Variants in SAE1 observed in about 807,000 individuals in gnomAD.
The protein encoded by SAE1 is SUMO1 activating enzyme subunit 1.
Under a neutral mutation model 40.6 loss-of-function variants are expected in SAE1, and 11 were observed. The observed-to-expected ratio is 0.27, with a 90% CI of 0.17 to 0.45. The LOEUF (loss-of-function observed/expected upper bound fraction) is 0.45, where lower values mean the gene tolerates loss of function less well. SAE1 is among the 20% of genes least tolerant of loss of function. The pLI is 1.00. For synonymous variants in SAE1, 155 were observed against 154.3 expected, an observed-to-expected ratio of 1.00 and a Z score of -0.03; for missense variants, 373 against 427.3, an observed-to-expected ratio of 0.87 and a Z score of 1.12.
chr19:47,207,016 C>G (rs563554455), intron 8 of SAE1, among the ~76,000 whole-genome samples: 2 of 152,270 alleles, frequency 1.3e-5, no homozygotes, highest in South Asian at 2.1e-4. Flanking sequence ...GTTCCCTTGA[C>G]TGGGTGCAGT....
intron 6 of SAE1, 38 bp from the exon 7 acceptor site, chr19:47,197,195 A>AT: frequency 1.9e-6 from 3 of 1,562,964 alleles, no homozygotes; most frequent in South Asian, 1.2e-5. Context: ...AAAAAAAAAA[A>AT]GTGGCTTTAT....
intron 6 of SAE1, among the ~76,000 whole-genome samples, chr19:47,182,176 CGTT>C (rs2058510730): frequency 6.6e-6 from 1 of 152,066 alleles, no homozygotes; most frequent in Non-Finnish European, 1.5e-5. Context: ...TTTTAAATGA[CGTT>C]GTCTTTGGAT....
chr19:47,196,070 G>C (rs1406278383), intron 6 of SAE1, among the ~76,000 whole-genome samples: 1 of 148,232 alleles, frequency 6.7e-6, no homozygotes, highest in Non-Finnish European at 1.5e-5. Flanking sequence ...TTCCCAGACG[G>C]AGTCTCGCTC....
chr19:47,145,416 T>C (rs566601840), intron 2 of SAE1, among the ~76,000 whole-genome samples: 1 of 152,180 alleles, frequency 6.6e-6, no homozygotes, highest in Admixed American at 6.6e-5. Context: ...CAAAGTGCGG[T>C]GATTACAGGT....
intron 8 of SAE1, among the ~76,000 whole-genome samples, chr19:47,208,363 G>A (rs537494642): frequency 6.6e-6 from 1 of 152,008 alleles, no homozygotes; most frequent in Non-Finnish European, 1.5e-5. Context: ...AGGCTCAAGC[G>A]ATCCTCCCAC....
At chr19:47,154,621 A>G (rs565121549) in intron 4 of SAE1, among the ~76,000 whole-genome samples, 2 of 148,514 alleles carry the variant, frequency 1.3e-5, no homozygotes, top group Admixed American at 1.4e-4. Flanking sequence ...CAGCCTCCCA[A>G]GTAGCTGGGA....
chr19:47,197,913 T>C (rs545912900), intron 7 of SAE1, among the ~76,000 whole-genome samples: 11 of 152,210 alleles, frequency 7.2e-5, no homozygotes, highest in African/African-American at 2.7e-4. Context: ...TAATTTATCA[T>C]TTGGTCAGCA....
intron 1 of SAE1, among the ~76,000 whole-genome samples, chr19:47,133,562 T>A (rs1250105635): frequency 4.6e-5 from 7 of 152,184 alleles, no homozygotes; most frequent in Admixed American, 4.6e-4. Flanking sequence ...CAGAATAGGT[T>A]AAAGTGGTCA....
chr19:47,183,626 C>G (rs968680659), intron 6 of SAE1, among the ~76,000 whole-genome samples: 8 of 152,092 alleles, frequency 5.3e-5, no homozygotes, highest in African/African-American at 1.9e-4. Flanking sequence ...TTAGCAGGCC[C>G]ACATCTCCCC....
rs551506937 is a variant in SAE1 at position 47,141,369 on chromosome 19, T to G, written c.99-2125T>G. On this transcript the variant is annotated intron_variant, in intron 1 of 8. Transcript: ENST00000270225. ...GTTGGACAGGCTGGTCTCGAACTCCTGACCTCAGGTGATCCACCCATCTCA... is the reference window on the plus strand; with the variant it reads ...GTTGGACAGGCTGGTCTCGAACTCCGGACCTCAGGTGATCCACCCATCTCA... Among the ~76,000 whole-genome samples, 4 of 152,102 alleles carry G rather than the reference T, an allele frequency of 2.6e-5. No individual in the cohort carries two copies. The East Asian group carries it at 7.7e-4, about 29-fold the overall frequency.
chr19:47,152,161 TTTGACCATGATCACAAAGC>T (rs959465184), intron 3 of SAE1, among the ~76,000 whole-genome samples: 20 of 152,238 alleles, frequency 1.3e-4, no homozygotes, highest in African/African-American at 4.1e-4. Context: ...GAAGTTGTCT[TTTGACCATGATCACAAAGC>T]TTCTCCCGAA....
chr19:47,155,763 T>C (rs2058319840), intron 5 of SAE1, among the ~76,000 whole-genome samples: 1 of 143,254 alleles, frequency 7.0e-6, no homozygotes, highest in Non-Finnish European at 1.5e-5. Context: ...TTTTTTTTTT[T>C]TTTGAGATGG....
At chr19:47,162,127 T>C (rs779418910) in intron 5 of SAE1, among the ~76,000 whole-genome samples, 6 of 152,266 alleles carry the variant, frequency 3.9e-5, no homozygotes, top group South Asian at 4.1e-4. Flanking sequence ...CAGCTAGTTC[T>C]CTTGGACAGC....
At chr19:47,141,018 AT>A (rs951528347) in intron 1 of SAE1, among the ~76,000 whole-genome samples, 47 of 146,452 alleles carry the variant, frequency 3.2e-4, no homozygotes, top group Non-Finnish European at 2.9e-4. Context: ...TGCCCAGCTA[AT>A]TTTTTTTTTT....
chr19:47,196,332 G>GGTTTTTTTTTTTTTTTTTTTTTTTTT (rs1568608690), intron 6 of SAE1, among the ~76,000 whole-genome samples: 1 of 76,324 alleles, frequency 1.3e-5, no homozygotes. Context: ...ACCGCGCCTG[G>GGTTTTTTTTTTTTTTTTTTTTTTTTT]CTTTTTTTTT....
chr19:47,205,564 G>A (rs79238875), intron 8 of SAE1, among the ~76,000 whole-genome samples: 3,053 of 152,148 alleles, frequency 0.02, 110 homozygotes, highest in African/African-American at 0.07. Flanking sequence ...AGGACTGTTC[G>A]AGCAGGATTC....
At chr19:47,158,159 C>T (rs1327413626) in intron 5 of SAE1, among the ~76,000 whole-genome samples, 1 of 152,110 alleles carries the variant, frequency 6.6e-6, no homozygotes, top group Non-Finnish European at 1.5e-5. Flanking sequence ...TTCCCCTCCC[C>T]GCTTTCCCTA....
At chr19:47,138,326 G>A (rs1167767744) in intron 1 of SAE1, among the ~76,000 whole-genome samples, 2 of 152,210 alleles carry the variant, frequency 1.3e-5, no homozygotes, top group Non-Finnish European at 2.9e-5. Context: ...TTACAGGCAT[G>A]AGCCACTGCG....
intron 2 of SAE1, among the ~76,000 whole-genome samples, chr19:47,149,834 T>C (rs1383828184): frequency 6.6e-6 from 1 of 152,008 alleles, no homozygotes; most frequent in Non-Finnish European, 1.5e-5. Flanking sequence ...TCTCAGCACT[T>C]TGGGAGGCTG....
Sources: gnomAD v4.1 joint callset for allele counts (sites outside exome capture counted in the v4.1 genomes callset) on GRCh38, gnomAD v4.1.1 for gene constraint, MANE v1.5 for transcripts, NCBI Gene and HGNC (gene_info 2026-07-23, HGNC 2026-07-21) for gene names.